SRPK2: variants seen among roughly 807,000 people sequenced by gnomAD.
SRPK2 encodes SRSF protein kinase 2, also known as SFRS protein kinase 2.
SRPK2 carries 21 observed loss-of-function variants against 90.8 expected under a neutral mutation model. The ratio of observed to expected loss-of-function variants is 0.23; its 90% CI spans 0.16 to 0.33. The LOEUF is 0.33. SRPK2 is among the 10% of genes least tolerant of loss of function. SRPK2 has a pLI of 1.00. For missense variants in SRPK2, 620 were observed against 869.0 expected, an observed-to-expected ratio of 0.71 and a Z score of 3.60; for synonymous variants, 288 against 311.1, an observed-to-expected ratio of 0.93 and a Z score of 0.78.
intron 2 of SRPK2, among the ~76,000 whole-genome samples, chr7:105,386,187 G>A (rs1821569202): frequency 2.0e-5 from 3 of 151,884 alleles, no homozygotes; most frequent in South Asian, 2.1e-4. Context: ...GGTGGCGGGC[G>A]CCTGTAGTCC....
chr7:105,170,808 A>G (rs28367104), intron 3 of SRPK2, among the ~76,000 whole-genome samples: 79 of 98,450 alleles, frequency 8.0e-4, no homozygotes, highest in Non-Finnish European at 1.0e-3. Context: ...AGGGAGGGAG[A>G]GAGAGAGGGA....
At chr7:105,359,008 T>A (rs1012407306) in intron 2 of SRPK2, among the ~76,000 whole-genome samples, 2 of 150,422 alleles carry the variant, frequency 1.3e-5, no homozygotes, top group Non-Finnish European at 3.0e-5. Context: ...AAACTAAGAG[T>A]GAGAAGCAAG....
intron 2 of SRPK2, among the ~76,000 whole-genome samples, chr7:105,223,516 C>A (rs561560855): frequency 6.6e-6 from 1 of 152,320 alleles, no homozygotes; most frequent in Non-Finnish European, 1.5e-5. Context: ...TAGCCAGATT[C>A]TACTTTTCTT....
chr7:105,124,068 C>T (rs1800780229), intron 15 of SRPK2, among the ~76,000 whole-genome samples: 1 of 152,212 alleles, frequency 6.6e-6, no homozygotes, highest in Admixed American at 6.5e-5. Flanking sequence ...TCTCAGGGAG[C>T]AAGGTTGCTG....
At chr7:105,194,981 A>C (rs1665933604) in intron 3 of SRPK2, among the ~76,000 whole-genome samples, 1 of 152,224 alleles carries the variant, frequency 6.6e-6, no homozygotes, top group Non-Finnish European at 1.5e-5. Flanking sequence ...ATATTTCAAA[A>C]AAACACCTCA....
intron 2 of SRPK2, among the ~76,000 whole-genome samples, chr7:105,356,632 T>G (rs557084988): frequency 1.4e-4 from 21 of 152,240 alleles, no homozygotes; most frequent in Non-Finnish European, 2.6e-4. Flanking sequence ...AAAGACAATT[T>G]CACACAGTTC....
downstream of SRPK2, chr7:105,116,250 C>T (rs1295990161): frequency 6.6e-6 from 1 of 152,080 alleles, no homozygotes; most frequent in African/African-American, 2.4e-5. Context: ...TATAATACGC[C>T]TCAATGCATG....
At chr7:105,259,525 A>G (rs1027664742) in intron 2 of SRPK2, among the ~76,000 whole-genome samples, 35 of 152,280 alleles carry the variant, frequency 2.3e-4, no homozygotes, top group African/African-American at 6.7e-4. Context: ...CAGTATTGGG[A>G]AAAAAACTAC....
intron 2 of SRPK2, chr7:105,268,806 C>G: frequency 6.3e-7 from 1 of 1,598,166 alleles, no homozygotes. Flanking sequence ...GTAGCTGTAC[C>G]TTTCTGAAGA....
chr7:105,224,630 T>G (rs1344364442), intron 2 of SRPK2, among the ~76,000 whole-genome samples: 3 of 152,076 alleles, frequency 2.0e-5, no homozygotes, highest in Non-Finnish European at 4.4e-5. Flanking sequence ...TAATAATAAC[T>G]TTAAGATATT....
intron 1 of SRPK2, among the ~76,000 whole-genome samples, chr7:105,394,953 G>A (rs2132916172): frequency 6.6e-6 from 1 of 152,018 alleles, no homozygotes; most frequent in Admixed American, 6.5e-5. Context: ...GGCGGGACAT[G>A]AGATTGGGAG....
At chr7:105,284,526 T>G (rs972935630) in intron 2 of SRPK2, among the ~76,000 whole-genome samples, 3 of 152,114 alleles carry the variant, frequency 2.0e-5, no homozygotes, top group African/African-American at 7.2e-5. Context: ...ATTCAACAGG[T>G]GATTGAGATT....
intron 3 of SRPK2, among the ~76,000 whole-genome samples, chr7:105,197,044 T>C (rs991837098): frequency 6.6e-6 from 1 of 151,630 alleles, no homozygotes; most frequent in Non-Finnish European, 1.5e-5. Flanking sequence ...TGAAACTCCA[T>C]CTCATAAAAA....
chr7:105,179,824 CAAAAAAAAAAA>C lies in SRPK2; in HGVS notation c.230-10570_230-10560del, dbSNP rs1185836588. Reference sequence around the variant, plus strand: ...TGGGCAACACAGTAAGAGTCCATCTCAAAAAAAAAAAAAAAAAAAAAAAAGAATAAAATATC... The same window carrying C: ...TGGGCAACACAGTAAGAGTCCATCTCAAAAAAAAAAAAAGAATAAAATATC... On this transcript the variant is annotated intron_variant, in intron 3 of 15. Coordinates refer to ENST00000393651, the MANE Select transcript of SRPK2 (RefSeq NM_182692.3). Among the ~76,000 whole-genome samples the C allele has an allele frequency of 1.4e-3, 86 of 60,284 alleles. 1 individual carries two copies. In the Admixed American group the frequency reaches 0.018, roughly 13 times the overall value. 39.5% of individuals were successfully genotyped at this position (60,284 alleles called of 152,430 possible).
chr7:105,251,870 G>A (rs145951759), intron 2 of SRPK2, among the ~76,000 whole-genome samples: 211 of 152,246 alleles, frequency 1.4e-3, no homozygotes, highest in African/African-American at 4.7e-3. Context: ...ACAAACTGAG[G>A]CTAAATTCAG....
chr7:105,253,136 T>C (rs1481200053), intron 2 of SRPK2, among the ~76,000 whole-genome samples: 1 of 152,220 alleles, frequency 6.6e-6, no homozygotes, highest in Non-Finnish European at 1.5e-5. Context: ...GTCAATCACC[T>C]GTCTTTAGAA....
chr7:105,366,516 T>C (rs2132356351), intron 2 of SRPK2, among the ~76,000 whole-genome samples: 1 of 152,102 alleles, frequency 6.6e-6, no homozygotes, highest in South Asian at 2.1e-4. Flanking sequence ...ACTACAGGCG[T>C]GCACCACCAC....
chr7:105,350,064 C>G (rs929275354), intron 2 of SRPK2, among the ~76,000 whole-genome samples: 9 of 150,558 alleles, frequency 6.0e-5, no homozygotes, highest in African/African-American at 2.2e-4. Context: ...ATACAGCAGG[C>G]ATTATGCTAA....
chr7:105,168,238 G>A, intron 4 of SRPK2, 143 bp from the exon 5 acceptor site: 3 of 632,056 alleles, frequency 4.7e-6, no homozygotes, highest in Non-Finnish European at 8.3e-6. Context: ...GTGTCAACAC[G>A]ATGCCACAGT....
Sources: allele counts gnomAD v4.1 joint callset (sites outside exome capture counted in the v4.1 genomes callset), GRCh38; gene constraint gnomAD v4.1.1; transcripts MANE v1.5; gene names NCBI Gene and HGNC (gene_info 2026-07-23, HGNC 2026-07-21).